SGCZ: variants seen among roughly 807,000 people sequenced by gnomAD.
SGCZ encodes zeta-sarcoglycan.
Under a neutral mutation model 41.3 loss-of-function variants are expected in SGCZ, and 40 were observed. The ratio of observed to expected loss-of-function variants is 0.97; its 90% CI spans 0.75 to 1.26. The LOEUF is 1.26. SGCZ is among the 50% of genes most tolerant of loss of function. The pLI is 0.00. For synonymous variants in SGCZ, 206 were observed against 137.5 expected (o/e 1.50, Z -3.49); for missense variants, 552 against 369.8 (o/e 1.49, Z -4.04).
At chr8:14,640,220 T>A (rs74578509) in intron 1 of SGCZ, among the ~76,000 whole-genome samples, 16,326 of 151,774 alleles carry the variant, frequency 0.11, 1,066 homozygotes, top group African/African-American at 0.19. Flanking sequence ...GGATTCATTT[T>A]TCTTCTTCCT....
intron 5 of SGCZ, among the ~76,000 whole-genome samples, chr8:14,109,933 G>A (rs1802322382): frequency 2.0e-5 from 3 of 151,948 alleles, no homozygotes; most frequent in Non-Finnish European, 2.9e-5. Flanking sequence ...ACTCTTAATG[G>A]GCTTAATAGT....
chr8:14,989,967 C>G (rs1047715238), intron 1 of SGCZ, among the ~76,000 whole-genome samples: 1 of 151,930 alleles, frequency 6.6e-6, no homozygotes, highest in South Asian at 2.1e-4. Flanking sequence ...TCAAAAGTAC[C>G]GGGAGGTACG....
intron 2 of SGCZ, among the ~76,000 whole-genome samples, chr8:14,385,094 G>T (rs1013088040): frequency 6.6e-6 from 1 of 152,178 alleles, no homozygotes; most frequent in Non-Finnish European, 1.5e-5. Flanking sequence ...ATTAACAACT[G>T]TGTGTAGGAA....
intron 2 of SGCZ, among the ~76,000 whole-genome samples, chr8:14,450,659 A>G (rs1470501817): frequency 1.3e-5 from 2 of 152,122 alleles, no homozygotes; most frequent in Non-Finnish European, 2.9e-5. Context: ...AGTCAGTAAA[A>G]CCATACCATA....
At chr8:14,416,712 A>T (rs952930122) in intron 2 of SGCZ, among the ~76,000 whole-genome samples, 3 of 151,864 alleles carry the variant, frequency 2.0e-5, no homozygotes, top group African/African-American at 4.8e-5. Context: ...ACTGTAGGAA[A>T]CGTGTGGCAG....
intron 2 of SGCZ, among the ~76,000 whole-genome samples, chr8:14,398,557 G>A (rs1440050180): frequency 6.6e-6 from 1 of 152,158 alleles, no homozygotes; most frequent in Non-Finnish European, 1.5e-5. Flanking sequence ...TAAGGTTGAG[G>A]ACAGCTGTCC....
chr8:14,484,892 T>C (rs1447485276), intron 2 of SGCZ, among the ~76,000 whole-genome samples: 1 of 152,196 alleles, frequency 6.6e-6, no homozygotes, highest in Non-Finnish European at 1.5e-5. Flanking sequence ...ATAAATTAAA[T>C]GCTTTACAGC....
chr8:15,163,074 C>G (rs992615947), intron 1 of SGCZ, among the ~76,000 whole-genome samples: 6 of 152,194 alleles, frequency 3.9e-5, no homozygotes, highest in African/African-American at 9.7e-5. Flanking sequence ...GCAGACAGAT[C>G]ACCAAAGAAC....
chr8:14,137,159 C>T (rs1185225210), intron 5 of SGCZ, among the ~76,000 whole-genome samples: 1 of 152,144 alleles, frequency 6.6e-6, no homozygotes, highest in African/African-American at 2.4e-5. Context: ...ACACCAAAAC[C>T]TCATCTATTG....
Position 14,446,922 on chromosome 8 carries a change from T to A in SGCZ, c.234+107810A>T, listed in dbSNP as rs576357438. 2.0e-5 allele frequency among the ~76,000 whole-genome samples: 3 copies of A among 152,330 alleles called. No individual in the cohort carries two copies. In the South Asian group the frequency reaches 6.2e-4, roughly 32 times the overall value. Reference sequence around the variant, plus strand: ...TCATATTCATTACACCAACGAAATATAATTCAACACTAGTTTCAATATATT... The same window carrying A: ...TCATATTCATTACACCAACGAAATAAAATTCAACACTAGTTTCAATATATT... On this transcript the variant is annotated intron_variant, in intron 2 of 7. Transcript: ENST00000382080.
chr8:14,467,805 T>G (rs1284454316), intron 2 of SGCZ, among the ~76,000 whole-genome samples: 1 of 152,086 alleles, frequency 6.6e-6, no homozygotes, highest in Non-Finnish European at 1.5e-5. Context: ...TAATAGTATT[T>G]AAATAGGCTT....
At chr8:14,854,780 G>C (rs552547284) in intron 1 of SGCZ, among the ~76,000 whole-genome samples, 1 of 152,128 alleles carries the variant, frequency 6.6e-6, no homozygotes, top group Non-Finnish European at 1.5e-5. Flanking sequence ...GAGAGGAAAG[G>C]AGAGAGTAGG....
chr8:14,764,580 T>C (rs2130368148), intron 1 of SGCZ, among the ~76,000 whole-genome samples: 1 of 152,294 alleles, frequency 6.6e-6, no homozygotes, highest in Middle Eastern at 3.4e-3. Flanking sequence ...TGAGATATTT[T>C]ACAAGGTAAT....
chr8:14,662,335 A>G (rs1807780080), intron 1 of SGCZ, among the ~76,000 whole-genome samples: 2 of 152,196 alleles, frequency 1.3e-5, no homozygotes, highest in Admixed American at 1.3e-4. Context: ...AGAAAGTTAA[A>G]TTACCTGAAT....
intron 2 of SGCZ, among the ~76,000 whole-genome samples, chr8:14,352,298 G>C (rs1258576929): frequency 6.6e-6 from 1 of 151,994 alleles, no homozygotes; most frequent in Non-Finnish European, 1.5e-5. Flanking sequence ...GAGGAGAGAA[G>C]TAACGTATAA....
chr8:14,508,441 A>T (rs1041731303), intron 2 of SGCZ, among the ~76,000 whole-genome samples: 2 of 152,188 alleles, frequency 1.3e-5, no homozygotes, highest in Non-Finnish European at 2.9e-5. Context: ...AAGAAAGAAG[A>T]TCCACCTGCC....
At chr8:14,890,996 T>C (rs1035283633) in intron 1 of SGCZ, among the ~76,000 whole-genome samples, 6 of 152,212 alleles carry the variant, frequency 3.9e-5, no homozygotes, top group South Asian at 4.1e-4. Context: ...TATTGAGACC[T>C]ATTCCTGAGA....
At chr8:14,232,645 A>G (rs1806613408) in intron 4 of SGCZ, among the ~76,000 whole-genome samples, 1 of 151,940 alleles carries the variant, frequency 6.6e-6, no homozygotes, top group African/African-American at 2.4e-5. Context: ...GTACAAGTGC[A>G]CAATGTGCAG....
chr8:14,437,991 A>T (rs1239684487), intron 2 of SGCZ, among the ~76,000 whole-genome samples: 1 of 151,978 alleles, frequency 6.6e-6, no homozygotes, highest in African/African-American at 2.4e-5. Flanking sequence ...GCCTCCGAGA[A>T]ATTTTATGAG....
Sources: gnomAD v4.1 joint callset for allele counts (sites outside exome capture counted in the v4.1 genomes callset) on GRCh38, gnomAD v4.1.1 for gene constraint, MANE v1.5 for transcripts, NCBI Gene and HGNC (gene_info 2026-07-23, HGNC 2026-07-21) for gene names.